KCNN2: variants seen among roughly 807,000 people sequenced by gnomAD.
The protein encoded by KCNN2 is potassium calcium-activated channel subfamily N member 2.
In KCNN2, 24 loss-of-function variants were observed where a neutral mutation model predicts 55.5. The observed-to-expected ratio is 0.43, with a 90% CI of 0.31 to 0.61. The LOEUF is 0.61. Among genes scored for constraint, KCNN2 ranks in the 20% least tolerant of loss-of-function variants. The pLI, the probability that KCNN2 is intolerant of heterozygous loss-of-function variation, is 0.08. For missense variants in KCNN2, 754 were observed against 853.6 expected (o/e 0.88, Z 1.45); for synonymous variants, 431 against 336.1 (o/e 1.28, Z -3.09).
At chr5:114,125,133 C>T (rs78929941) in intron 1 of KCNN2, among the ~76,000 whole-genome samples, 4,648 of 152,198 alleles carry the variant, frequency 0.031, 245 homozygotes, top group African/African-American at 0.11. Context: ...TTGGAGAAAT[C>T]GTGTTATAAT....
chr5:114,484,190 A>G (rs1374747728), intron 5 of KCNN2, among the ~76,000 whole-genome samples: 1 of 152,126 alleles, frequency 6.6e-6, no homozygotes, highest in Non-Finnish European at 1.5e-5. Flanking sequence ...AGAGACACAA[A>G]GATTAGTGAT....
rs370267088 is a variant in KCNN2 at position 114,492,850 on chromosome 5, T to C, written c.2019-553T>C. ...ACAATGAAGAATAAGATAATAATTA[T>C]GTGTTTTGTGTTATATTGCTGCTGG... is the stretch of plus-strand genomic sequence containing the variant. On this transcript the variant is annotated intron_variant, in intron 6 of 7. Transcript: ENST00000673685. Among the ~76,000 whole-genome samples, 12 of 152,190 alleles carry C rather than the reference T, an allele frequency of 7.9e-5. No individual in the cohort carries two copies. In the South Asian group the frequency reaches 2.3e-3, roughly 29 times the overall value.
chr5:114,235,332 T>A (rs1754468676), intron 2 of KCNN2, among the ~76,000 whole-genome samples: 1 of 152,226 alleles, frequency 6.6e-6, no homozygotes, highest in Non-Finnish European at 1.5e-5. Context: ...TTAATGCAAT[T>A]AAGTTTCCAT....
At chr5:114,342,206 T>TA (rs1757030069) in intron 2 of KCNN2, among the ~76,000 whole-genome samples, 1 of 53,552 alleles carries the variant, frequency 1.9e-5, no homozygotes, top group Non-Finnish European at 4.2e-5. Context: ...CGGCCCATAA[T>TA]TTTTTTTTTA....
At chr5:114,278,007 C>T (rs1488061363) in intron 2 of KCNN2, among the ~76,000 whole-genome samples, 1 of 152,088 alleles carries the variant, frequency 6.6e-6, no homozygotes, top group Non-Finnish European at 1.5e-5. Flanking sequence ...TGTTGGTGAC[C>T]TATGGATGGG....
At chr5:114,254,623 T>A (rs1227225638) in intron 2 of KCNN2, among the ~76,000 whole-genome samples, 1 of 152,168 alleles carries the variant, frequency 6.6e-6, no homozygotes, top group African/African-American at 2.4e-5. Flanking sequence ...AAAAAAGTAA[T>A]CCTAGTAAGT....
At chr5:114,415,980 C>T (rs961811570) in intron 3 of KCNN2, among the ~76,000 whole-genome samples, 1 of 152,160 alleles carries the variant, frequency 6.6e-6, no homozygotes, top group Admixed American at 6.5e-5. Context: ...AGGCTTAACT[C>T]CCTTGTTCAG....
At chr5:114,206,472 A>G (rs1288312769) in intron 1 of KCNN2, among the ~76,000 whole-genome samples, 1 of 151,904 alleles carries the variant, frequency 6.6e-6, no homozygotes, top group Non-Finnish European at 1.5e-5. Context: ...TGCATCTCCA[A>G]ATCCTCCTTT....
intron 2 of KCNN2, among the ~76,000 whole-genome samples, chr5:114,277,187 G>C (rs770266311): frequency 6.6e-6 from 1 of 152,120 alleles, no homozygotes; most frequent in Non-Finnish European, 1.5e-5. Flanking sequence ...TGGCTTGTAG[G>C]GTTTCTGCAG....
chr5:114,176,999 T>C (rs1359018804), intron 1 of KCNN2, among the ~76,000 whole-genome samples: 4 of 152,180 alleles, frequency 2.6e-5, no homozygotes, highest in African/African-American at 7.2e-5. Context: ...TCTCTTCTCA[T>C]GTCTGAAAAA....
intron 3 of KCNN2, among the ~76,000 whole-genome samples, chr5:114,461,020 A>G (rs1186752542): frequency 2.0e-5 from 3 of 152,162 alleles, no homozygotes; most frequent in Admixed American, 6.5e-5. Flanking sequence ...AGAGAGCCCC[A>G]ATATTATTAA....
At chr5:114,367,087 A>G (rs1447283373) in intron 2 of KCNN2, among the ~76,000 whole-genome samples, 1 of 152,184 alleles carries the variant, frequency 6.6e-6, no homozygotes. Flanking sequence ...TGACATTTTC[A>G]TGGAGAACCT....
chr5:114,436,421 T>C (rs576596312), intron 3 of KCNN2, among the ~76,000 whole-genome samples: 5 of 152,178 alleles, frequency 3.3e-5, no homozygotes, highest in Non-Finnish European at 5.9e-5. Flanking sequence ...ATCGTAAAAT[T>C]AGAGCAACAA....
chr5:114,455,484 C>T (rs977387378), intron 3 of KCNN2, among the ~76,000 whole-genome samples: 4 of 152,182 alleles, frequency 2.6e-5, no homozygotes, highest in African/African-American at 9.7e-5. Context: ...TCTGGCTTTC[C>T]TATTCCCTGA....
At chr5:114,403,799 C>G (rs773678773) in intron 2 of KCNN2, among the ~76,000 whole-genome samples, 2 of 152,058 alleles carry the variant, frequency 1.3e-5, no homozygotes, top group African/African-American at 2.4e-5. Context: ...AAAAAGGGAA[C>G]TTTATTAAAT....
At chr5:114,282,660 T>C (rs1012033699) in intron 2 of KCNN2, among the ~76,000 whole-genome samples, 3 of 152,158 alleles carry the variant, frequency 2.0e-5, no homozygotes, top group African/African-American at 7.2e-5. Flanking sequence ...TTGTTGGTTT[T>C]TGGTAACAAG....
chr5:114,359,139 T>C (rs912108143), upstream of KCNN2, among the ~76,000 whole-genome samples: 1 of 152,242 alleles, frequency 6.6e-6, no homozygotes, highest in East Asian at 1.9e-4. Context: ...TGATTTGCTC[T>C]CTGTCCAATC....
rs1296290875 is a variant in KCNN2 at position 114,220,574 on chromosome 5, TACAA to T, written c.-270-902_-270-899del. On this transcript the variant is annotated intron_variant, in intron 1 of 10. Coordinates refer to the KCNN2 transcript ENST00000512097. ...AAAAAAAGAGAAAGGAATTATGAAA[TACAA>T]ACAGACAAATGAGACTTAATACGAG... 2.6e-5 allele frequency among the ~76,000 whole-genome samples: 4 copies of T among 151,982 alleles called. No individual in the cohort carries two copies. The East Asian group carries it at 5.8e-4, about 22-fold the overall frequency.
intron 1 of KCNN2, among the ~76,000 whole-genome samples, chr5:114,363,548 T>C (rs1048260776): frequency 3.3e-5 from 5 of 152,160 alleles, no homozygotes; most frequent in Admixed American, 6.5e-5. Context: ...CCATCTGTAA[T>C]TCATCCCCTC....
Sources: allele counts gnomAD v4.1 joint callset (sites outside exome capture counted in the v4.1 genomes callset), GRCh38; gene constraint gnomAD v4.1.1; transcripts MANE v1.5; gene names NCBI Gene and HGNC (gene_info 2026-07-23, HGNC 2026-07-21).